The following TMEM135 variants were observed in gnomAD, a reference collection of about 807,000 sequenced individuals.
TMEM135 encodes peroxisomal membrane protein 52.
A neutral mutation model predicts 60.3 loss-of-function variants in TMEM135; 30 were observed. The ratio of observed to expected loss-of-function variants is 0.50; its 90% confidence interval spans 0.37 to 0.68. The LOEUF (loss-of-function observed/expected upper bound fraction) is 0.68. Among genes scored for constraint, TMEM135 ranks in the 30% least tolerant of loss-of-function variants. The pLI is 0.00. For synonymous variants in TMEM135, 190 were observed against 186.7 expected (o/e 1.02, Z -0.14); for missense variants, 468 against 548.8 (o/e 0.85, Z 1.47).
chr11:87,222,931 T>G (rs1230138646), intron 5 of TMEM135, among the ~76,000 whole-genome samples: 2 of 152,172 alleles, frequency 1.3e-5, no homozygotes, highest in Non-Finnish European at 2.9e-5. Flanking sequence ...CGTTACATCT[T>G]GTAGTGATAG....
chr11:87,060,700 T>G (rs1207433294), intron 1 of TMEM135, among the ~76,000 whole-genome samples: 4 of 151,616 alleles, frequency 2.6e-5, no homozygotes, highest in African/African-American at 7.3e-5. Context: ...TGGATTGCAG[T>G]GGCGTGATCT....
intron 5 of TMEM135, among the ~76,000 whole-genome samples, chr11:87,186,234 C>A (rs1386365817): frequency 6.6e-6 from 1 of 152,102 alleles, no homozygotes; most frequent in African/African-American, 2.4e-5. Flanking sequence ...GTAAAGTTGT[C>A]CCTTTTTTGG....
chr11:87,327,036 G>A lies in TMEM135; in HGVS notation c.*5703G>A, dbSNP rs1465851958. ...TTTTCCTTGCTGAGGGAACACTGAT[G>A]TTGTTTAAGACAGTTACATGCCTAG... On this transcript the variant is annotated 3_prime_UTR_variant, in exon 15 of 15. Coordinates refer to ENST00000305494, the MANE Select transcript of TMEM135 (RefSeq NM_022918.4). The A allele has an allele frequency of 8.8e-6, 4 of 452,940 alleles. No individual in the cohort carries two copies. Among genetic ancestry groups the A allele is most frequent in the Admixed American group, 2.4e-5 (1 of 42,354 alleles). The allele number at this position is 452,940 out of a possible 1,614,324, so 28.1% of individuals were successfully genotyped here. A position where few individuals can be genotyped will look rare whatever the true frequency, so the allele number is the denominator to read the frequency against.
intron 6 of TMEM135, among the ~76,000 whole-genome samples, chr11:87,239,489 A>G (rs1462570668): frequency 6.6e-6 from 1 of 152,024 alleles, no homozygotes; most frequent in African/African-American, 2.4e-5. Flanking sequence ...TTTATTTTAA[A>G]ATTAAATTTT....
chr11:87,224,021 C>G (rs1274271784), intron 5 of TMEM135, among the ~76,000 whole-genome samples: 1 of 152,128 alleles, frequency 6.6e-6, no homozygotes, highest in Non-Finnish European at 1.5e-5. Flanking sequence ...AAGATTTTCT[C>G]AAATGAATTT....
At chr11:87,249,410 A>G (rs1014510189) in intron 6 of TMEM135, among the ~76,000 whole-genome samples, 1 of 152,102 alleles carries the variant, frequency 6.6e-6, no homozygotes, top group Non-Finnish European at 1.5e-5. Flanking sequence ...TATCTTTTCA[A>G]AAAAACCAAC....
intron 7 of TMEM135, among the ~76,000 whole-genome samples, chr11:87,298,951 G>A (rs144228947): frequency 6.6e-6 from 1 of 151,968 alleles, no homozygotes; most frequent in African/African-American, 2.4e-5. Flanking sequence ...AGCTGGGTGT[G>A]GTGATGGGCG....
chr11:87,275,491 A>G (rs1941951695), intron 6 of TMEM135, among the ~76,000 whole-genome samples: 1 of 152,082 alleles, frequency 6.6e-6, no homozygotes, highest in Admixed American at 6.6e-5. Context: ...TAAAAAAAAA[A>G]TAACCAAATA....
At position 87,067,725 on chromosome 11, in the gene TMEM135, A is replaced by T. The variant is rs199651242; in HGVS notation, c.173A>T (p.Asp58Val). 6.2e-7 allele frequency: 1 copy of T among 1,613,900 alleles called. No homozygotes were observed. The highest frequency in any genetic ancestry group is 2.2e-5 in the East Asian group (1 of 44,818). Residue 58 changes from aspartate (D) to valine (V), a missense_variant, in exon 2 of 15, where the codon GAC (aspartate) becomes GTC (valine). Asp to Val is a radical substitution (Grantham distance 152). Transcript: ENST00000305494. ...GCAATTCTCCGGAAACGGAAATTAGACTATTATTTACACAAACTACTCCCT... is the reference window on the plus strand; with the variant it reads ...GCAATTCTCCGGAAACGGAAATTAGTCTATTATTTACACAAACTACTCCCT... ...IAAILRKRKL[D>V]YYLHKLLPEI...
intron 6 of TMEM135, among the ~76,000 whole-genome samples, chr11:87,273,032 CT>C (rs1941899268): frequency 6.6e-6 from 1 of 151,972 alleles, no homozygotes; most frequent in Non-Finnish European, 1.5e-5. Flanking sequence ...ATTATCCTGT[CT>C]TTCTTCCATC....
At chr11:87,095,510 G>T in intron 4 of TMEM135, 1 of 194,190 alleles carries the variant, frequency 5.1e-6, no homozygotes, top group Non-Finnish European at 1.1e-5. Context: ...TGGGTTTCTG[G>T]GTTTCTTGGG....
intron 4 of TMEM135, among the ~76,000 whole-genome samples, chr11:87,136,271 A>G (rs1203380750): frequency 6.6e-6 from 1 of 152,074 alleles, no homozygotes; most frequent in African/African-American, 2.4e-5. Context: ...CTGTATCTAT[A>G]GAGATGAACA....
intron 1 of TMEM135, among the ~76,000 whole-genome samples, chr11:87,039,185 T>C (rs749633066): frequency 2.6e-5 from 4 of 152,360 alleles, no homozygotes; most frequent in South Asian, 4.1e-4. Flanking sequence ...GCTGTATCTG[T>C]AGTACTTCTT....
rs558343988 is a variant in TMEM135, at chr11:87,254,632, A to T, written c.509+17948A>T. On this transcript the variant is annotated intron_variant, in intron 6 of 14. Coordinates refer to ENST00000305494, the MANE Select transcript of TMEM135 (RefSeq NM_022918.4). Reference sequence around the variant, plus strand: ...AAAATATAGTTGAAGTGCAGTGCCAATGCTACTATAGAAACAAATAATATT... The same window carrying T: ...AAAATATAGTTGAAGTGCAGTGCCATTGCTACTATAGAAACAAATAATATT... Among the ~76,000 whole-genome samples, 10 of 152,356 alleles carry T rather than the reference A, an allele frequency of 6.6e-5. No individual in the cohort carries two copies. The East Asian group carries it at 1.9e-3, about 29-fold the overall frequency.
In TMEM135 at chr11:87,091,343, C is replaced by G; in HGVS notation, c.363-19C>G. The G allele has an allele frequency of 6.2e-7, 1 of 1,607,704 alleles. No homozygotes were observed. The highest frequency in any genetic ancestry group is 8.5e-7 in the Non-Finnish European group (1 of 1,175,878). On this transcript the variant is annotated intron_variant, in intron 3 of 14. Coordinates refer to ENST00000305494, the MANE Select transcript of TMEM135 (RefSeq NM_022918.4). ...AGTCAAATTGAAGTTTAATATCTTC[C>G]TTTTAAAATTATTTGCAGGAGAGGG... is the stretch of plus-strand genomic sequence containing the variant.
At chr11:87,141,094 A>G (rs1254484793) in intron 4 of TMEM135, among the ~76,000 whole-genome samples, 1 of 151,022 alleles carries the variant, frequency 6.6e-6, no homozygotes, top group Non-Finnish European at 1.5e-5. Context: ...TTGCATTTTT[A>G]ATATAAATTT....
At chr11:87,211,769 C>T (rs1354370606) in intron 5 of TMEM135, among the ~76,000 whole-genome samples, 1 of 151,952 alleles carries the variant, frequency 6.6e-6, no homozygotes, top group African/African-American at 2.4e-5. Flanking sequence ...ACGGTGAAAC[C>T]CCGTCTCTAC....
At chr11:87,086,409 G>T (rs1300640210) in intron 3 of TMEM135, among the ~76,000 whole-genome samples, 3 of 152,134 alleles carry the variant, frequency 2.0e-5, no homozygotes, top group Non-Finnish European at 4.4e-5. Context: ...ATGTTTGGCA[G>T]TTTCCAGGCT....
At chr11:87,305,792 T>TAAAGAAAGAAAGAAAGAAAG (rs1373417867) in intron 8 of TMEM135, 144 bp from the exon 9 acceptor site, 3 of 356,812 alleles carry the variant, frequency 8.4e-6, no homozygotes, top group African/African-American at 6.8e-5. Flanking sequence ...AATAAATAAA[T>TAAAGAAAGAAAGAAAGAAAG]AAATAAATAA....
Sources: allele counts gnomAD v4.1 joint callset (sites outside exome capture counted in the v4.1 genomes callset), GRCh38; gene constraint gnomAD v4.1.1; transcripts MANE v1.5; gene names NCBI Gene and HGNC (gene_info 2026-07-23, HGNC 2026-07-21).